The following PCDHGA10 variants were observed in gnomAD, a reference collection of about 807,000 sequenced individuals.
The protein encoded by PCDHGA10 is protocadherin gamma-A10.
Under a neutral mutation model 59.5 loss-of-function variants are expected in PCDHGA10, and 42 were observed. The observed-to-expected ratio is 0.71, with a 90% CI of 0.55 to 0.91. PCDHGA10 has a LOEUF of 0.91. Ranked by LOEUF, PCDHGA10 falls within the 40% of genes least tolerant of loss-of-function variation. PCDHGA10 has a pLI of 0.00. For missense variants in PCDHGA10, 1,111 were observed against 1,198.2 expected, an observed-to-expected ratio of 0.93 and a Z score of 1.07; for synonymous variants, 511 against 517.2, an observed-to-expected ratio of 0.99 and a Z score of 0.16.
chr5:141,421,410 G>A lies in PCDHGA10; in HGVS notation c.2436+5799G>A, dbSNP rs538537555. On this transcript the variant is annotated intron_variant, in intron 1 of 3. Transcript: ENST00000398610. ...TGGGGCTGGAGCCCCGGGAGCTGGCGAAGCGCGGAGTCCGCATCGTCTCCA... is the reference window on the plus strand; with the variant it reads ...TGGGGCTGGAGCCCCGGGAGCTGGCAAAGCGCGGAGTCCGCATCGTCTCCA... The A allele has an allele frequency of 3.7e-6, 6 of 1,614,084 alleles. No homozygotes were observed. In the African/African-American group the frequency reaches 6.7e-5, roughly 18 times the overall value.
intron 3 of PCDHGA10, among the ~76,000 whole-genome samples, chr5:141,507,861 C>T (rs538942097): frequency 7.0e-4 from 106 of 152,306 alleles, no homozygotes; most frequent in African/African-American, 2.5e-3. Flanking sequence ...CTTTCACACC[C>T]GCTTCCTAGC....
rs922668811 is a variant in PCDHGA10 at position 141,432,984 on chromosome 5, G to A, written c.2436+17373G>A. On this transcript the variant is annotated intron_variant, in intron 1 of 3. Transcript: ENST00000398610. This position sits in a 1 kb window ranked among gnomAD's most constrained non-coding sequence, Gnocchi z 6.0. ...GGAGCGCCGGCGTCGCACTTTGTGG[G>A]CGTGGACGGGGTGCAGGCTTTCCTG... 1.9e-6 allele frequency: 3 copies of A among 1,614,214 alleles called. No individual in the cohort carries two copies. Among genetic ancestry groups the A allele is most frequent in the Admixed American group, 1.7e-5 (1 of 60,028 alleles).
rs768938171 is a variant in PCDHGA10 at position 141,487,276 on chromosome 5, C to T, written c.2437-7531C>T. ...TGGCTGTGTCCCTAGTGGCAATTTG[C>T]TTTGTCTCCTTTGGCTCATTCGTGG... On this transcript the variant is annotated intron_variant, in intron 1 of 3. Transcript: ENST00000398610. The surrounding 1 kb of genome is among the most constrained non-coding windows in gnomAD (Gnocchi z 5.0). The T allele has an allele frequency of 2.5e-6, 4 of 1,614,158 alleles. No homozygotes were observed. The East Asian group carries it at 8.9e-5, about 36-fold the overall frequency.
At position 141,511,482 on chromosome 5, in the gene PCDHGA10, C is replaced by A. The variant is rs761434245; in HGVS notation, c.*309C>A. ...CACACCCCGTTTAGTTACAGCTGAA[C>A]TCCTCCATCTTCCAAATCAATCAGG... On this transcript the variant is annotated 3_prime_UTR_variant, in exon 4 of 4. Coordinates refer to ENST00000398610, the MANE Select transcript of PCDHGA10 (RefSeq NM_018913.3). The A allele has an allele frequency of 2.4e-4, 113 of 464,462 alleles. No homozygotes were observed. Among genetic ancestry groups the A allele is most frequent in the Non-Finnish European group, 4.0e-4 (105 of 260,154 alleles). The allele number at this position is 464,462 out of a possible 1,614,324, so 28.8% of individuals were successfully genotyped here. A position where few individuals can be genotyped will look rare whatever the true frequency, so the allele number is the denominator to read the frequency against.
At position 141,490,341 on chromosome 5, in the gene PCDHGA10, A is replaced by C. The variant is rs778299384; in HGVS notation, c.2437-4466A>C. ...TCCTAGAGAGCACACCAGTGGGCACAGTAGTGGGGTTGTTTAATGTGCGAG... is the reference window on the plus strand; with the variant it reads ...TCCTAGAGAGCACACCAGTGGGCACCGTAGTGGGGTTGTTTAATGTGCGAG... On this transcript the variant is annotated intron_variant, in intron 1 of 3. Coordinates refer to ENST00000398610, the MANE Select transcript of PCDHGA10 (RefSeq NM_018913.3). This position sits in a 1 kb window ranked among gnomAD's most constrained non-coding sequence, Gnocchi z 5.4. The C allele has an allele frequency of 5.0e-6, 8 of 1,614,204 alleles. No homozygotes were observed. The South Asian group carries it at 8.8e-5, about 18-fold the overall frequency.
At position 141,432,807 on chromosome 5, in the gene PCDHGA10, ACT is replaced by A. The variant is rs542925824; in HGVS notation, c.2436+17199_2436+17200del. On this transcript the variant is annotated intron_variant, in intron 1 of 3. Coordinates refer to ENST00000398610, the MANE Select transcript of PCDHGA10 (RefSeq NM_018913.3). This position sits in a 1 kb window ranked among gnomAD's most constrained non-coding sequence, Gnocchi z 6.0. ...CTCGGCAGCCTCGAGTCTCCAGCTA[ACT>A]CTGAAACCTCAGACCTCACTCTGTA... 352 of 1,613,946 alleles carry A rather than the reference ACT, an allele frequency of 2.2e-4. 2 individuals carry two copies. The African/African-American group carries it at 4.2e-3, about 19-fold the overall frequency.
intron 1 of PCDHGA10, chr5:141,421,694 C>G (rs2096592726): frequency 6.2e-7 from 1 of 1,613,936 alleles, no homozygotes. Flanking sequence ...TTTGCTCTTC[C>G]TAATGCTAGG....
intron 1 of PCDHGA10, among the ~76,000 whole-genome samples, chr5:141,462,288 G>A (rs1239615759): frequency 3.9e-5 from 6 of 152,196 alleles, no homozygotes; most frequent in Non-Finnish European, 7.3e-5. Flanking sequence ...CACCAAATAT[G>A]TAAGTATTAC....
rs1243327893 is a variant in PCDHGA10, at chr5:141,491,671, C to A, written c.2437-3136C>A. 2.5e-6 allele frequency: 4 copies of A among 1,613,366 alleles called. No homozygotes were observed. Among genetic ancestry groups the A allele is most frequent in the Non-Finnish European group, 3.4e-6 (4 of 1,179,808 alleles). On this transcript the variant is annotated intron_variant, in intron 1 of 3. Coordinates refer to ENST00000398610, the MANE Select transcript of PCDHGA10 (RefSeq NM_018913.3). The surrounding 1 kb of genome is among the most constrained non-coding windows in gnomAD (Gnocchi z 6.9). Reference sequence around the variant, plus strand: ...GCTGGAGCCTGACGCCATCCGGTCCCGCTCTAATACGCTGCGGGAGCGGAG... The same window carrying A: ...GCTGGAGCCTGACGCCATCCGGTCCAGCTCTAATACGCTGCGGGAGCGGAG...
chr5:141,510,709 CAGTGAGTAAGGAA>C (rs1452833908), intron 3 of PCDHGA10, among the ~76,000 whole-genome samples: 7 of 152,168 alleles, frequency 4.6e-5, no homozygotes, highest in Admixed American at 4.6e-4. Flanking sequence ...CCCAGGATCA[CAGTGAGTAAGGAA>C]AGGAGCTAGG....
In PCDHGA10 at chr5:141,428,860, CTT is replaced by C. The variant is rs34152666; in HGVS notation, c.2436+13261_2436+13262del. On this transcript the variant is annotated intron_variant, in intron 1 of 3. Transcript: ENST00000398610. The stretch of plus-strand genomic sequence containing the variant: ...ACATTTTCACCATTTTTACGGGAGA[CTT>C]TTTTTTTTTTTGGACGGAGTCTCGC... The C allele has an allele frequency of 7.4e-3, 1,070 of 145,506 alleles. 4 individuals carry two copies. Among genetic ancestry groups the C allele is most frequent in the South Asian group, 0.018 (82 of 4,566 alleles). 9.0% of individuals were successfully genotyped at this position (145,506 alleles called of 1,614,324 possible).
Position 141,432,970 on chromosome 5 carries a change from G to C in PCDHGA10, c.2436+17359G>C, listed in dbSNP as rs371130763. On this transcript the variant is annotated intron_variant, in intron 1 of 3. Transcript: ENST00000398610. This position sits in a 1 kb window ranked among gnomAD's most constrained non-coding sequence, Gnocchi z 6.0. ...GAGGCGGCTTGACAGGAGCGCCGGC[G>C]TCGCACTTTGTGGGCGTGGACGGGG... is the stretch of plus-strand genomic sequence containing the variant. 25 of 1,614,114 alleles carry C rather than the reference G, an allele frequency of 1.5e-5. No individual in the cohort carries two copies. Among genetic ancestry groups the C allele is most frequent in the African/African-American group, 1.1e-4 (8 of 75,054 alleles).
At chr5:141,510,304 A>G (rs1030803209) in intron 3 of PCDHGA10, among the ~76,000 whole-genome samples, 1 of 151,732 alleles carries the variant, frequency 6.6e-6, no homozygotes, top group Non-Finnish European at 1.5e-5. Context: ...CTGTTTTGAA[A>G]TGGAGGCTTG....
At chr5:141,428,313 C>T in intron 1 of PCDHGA10, 1 of 671,482 alleles carries the variant, frequency 1.5e-6, no homozygotes, top group Non-Finnish European at 2.6e-6. Context: ...TGGTCGTGGC[C>T]TTGGCCTTGA....
At chr5:141,428,333 T>A in intron 1 of PCDHGA10, 1 of 618,518 alleles carries the variant, frequency 1.6e-6, no homozygotes, top group Non-Finnish European at 2.9e-6. Context: ...ATTTCTATGC[T>A]CTTCTTCCTC....
intron 1 of PCDHGA10, among the ~76,000 whole-genome samples, chr5:141,435,412 T>C (rs2097761991): frequency 6.6e-6 from 1 of 152,222 alleles, no homozygotes; most frequent in Non-Finnish European, 1.5e-5. Flanking sequence ...TGGTAAAGAC[T>C]ATTTTTCACT....
intron 1 of PCDHGA10, chr5:141,419,148 C>A: frequency 6.2e-7 from 1 of 1,613,940 alleles, no homozygotes; most frequent in Admixed American, 1.7e-5. Flanking sequence ...AGGGGCAAGC[C>A]TCCGTTATCC....
At chr5:141,488,134 A>G (rs546928916) in intron 1 of PCDHGA10, among the ~76,000 whole-genome samples, 1 of 152,332 alleles carries the variant, frequency 6.6e-6, no homozygotes, top group African/African-American at 2.4e-5. Flanking sequence ...GAAAGAGGAG[A>G]GAACTAAAGG....
intron 1 of PCDHGA10, chr5:141,428,255 G>A (rs2097128504): frequency 1.1e-6 from 1 of 875,462 alleles, no homozygotes; most frequent in Non-Finnish European, 1.8e-6. Context: ...CCAGACTTCA[G>A]TGACAGTCCT....
Sources: allele counts gnomAD v4.1 joint callset (sites outside exome capture counted in the v4.1 genomes callset), GRCh38; gene constraint gnomAD v4.1.1; non-coding constraint Gnocchi (gnomAD v3.1); transcripts MANE v1.5; gene names NCBI Gene and HGNC (gene_info 2026-07-23, HGNC 2026-07-21).